STK39: variants seen among roughly 807,000 people sequenced by gnomAD.
The protein encoded by STK39 is serine/threonine kinase 39.
Under a neutral mutation model 77.8 loss-of-function variants are expected in STK39, and 20 were observed. The observed-to-expected ratio is 0.26, with a 90% confidence interval of 0.18 to 0.37. The LOEUF is 0.37. Among genes scored for constraint, STK39 ranks in the 10% least tolerant of loss-of-function variants. The pLI, the probability that STK39 is intolerant of heterozygous loss-of-function variation, is 1.00. For missense variants in STK39, 479 were observed against 656.5 expected (o/e 0.73, Z 2.95); for synonymous variants, 246 against 234.1 (o/e 1.05, Z -0.47).
chr2:168,136,476 A>G (rs568461036), intron 8 of STK39, among the ~76,000 whole-genome samples: 7 of 152,308 alleles, frequency 4.6e-5, no homozygotes, highest in Non-Finnish European at 8.8e-5. Flanking sequence ...GAAATACACT[A>G]TTATATCATT....
intron 1 of STK39, among the ~76,000 whole-genome samples, chr2:168,195,752 C>T (rs142052775): frequency 6.6e-6 from 1 of 152,344 alleles, no homozygotes; most frequent in Non-Finnish European, 1.5e-5. Context: ...CGAGGTGGCT[C>T]ACGCCTGTAA....
chr2:168,021,573 G>C (rs1684572902), intron 14 of STK39, among the ~76,000 whole-genome samples: 1 of 152,134 alleles, frequency 6.6e-6, no homozygotes, highest in Admixed American at 6.6e-5. Context: ...CTGAAAATAG[G>C]TATGATTTAA....
chr2:168,199,068 A>AG (rs1689545482), intron 1 of STK39, among the ~76,000 whole-genome samples: 2 of 152,294 alleles, frequency 1.3e-5, no homozygotes, highest in African/African-American at 4.8e-5. Context: ...TAAAAGTAGC[A>AG]GGGGGCGGGG....
intron 16 of STK39, among the ~76,000 whole-genome samples, chr2:167,986,639 G>A (rs901240126): frequency 2.6e-5 from 4 of 152,126 alleles, no homozygotes; most frequent in Non-Finnish European, 5.9e-5. Context: ...AAAAATGAGT[G>A]AAATCGATGT....
chr2:168,116,637 C>A (rs1335026650), intron 10 of STK39, among the ~76,000 whole-genome samples: 1 of 152,180 alleles, frequency 6.6e-6, no homozygotes, highest in Non-Finnish European at 1.5e-5. Flanking sequence ...ATGTACCACA[C>A]CCCCTGCTGG....
chr2:167,956,936 A>T (rs1458922433), intron 17 of STK39, among the ~76,000 whole-genome samples: 3 of 152,040 alleles, frequency 2.0e-5, no homozygotes, highest in South Asian at 4.1e-4. Flanking sequence ...TTAGTTTCCC[A>T]TGGAAACGTG....
chr2:168,241,974 C>T (rs994847222), intron 1 of STK39, among the ~76,000 whole-genome samples: 12 of 152,176 alleles, frequency 7.9e-5, no homozygotes, highest in Non-Finnish European at 1.8e-4. Context: ...ACTCCAGAGC[C>T]GGCACTGCTG....
At chr2:168,038,858 C>T (rs1685026255) in intron 14 of STK39, among the ~76,000 whole-genome samples, 1 of 152,096 alleles carries the variant, frequency 6.6e-6, no homozygotes, top group Admixed American at 6.5e-5. Context: ...CCACTACACA[C>T]CTATTTAAAT....
At chr2:168,016,430 G>A (rs774896711) in intron 15 of STK39, among the ~76,000 whole-genome samples, 6 of 140,702 alleles carry the variant, frequency 4.3e-5, no homozygotes, top group Non-Finnish European at 6.1e-5. Flanking sequence ...TACTGAACAT[G>A]GGTGAAATAA....
At chr2:168,146,237 C>T (rs1414290089) in intron 5 of STK39, among the ~76,000 whole-genome samples, 3 of 152,176 alleles carry the variant, frequency 2.0e-5, no homozygotes, top group Non-Finnish European at 2.9e-5. Flanking sequence ...TAGGGGCTTG[C>T]TTGCTAATGA....
At chr2:168,024,235 G>A (rs1239629325) in intron 14 of STK39, among the ~76,000 whole-genome samples, 2 of 152,186 alleles carry the variant, frequency 1.3e-5, no homozygotes, top group African/African-American at 4.8e-5. Context: ...GGCCGCCTGG[G>A]GCAGGATGAG....
At chr2:168,174,639 G>A (rs371079499) in intron 2 of STK39, among the ~76,000 whole-genome samples, 3 of 151,852 alleles carry the variant, frequency 2.0e-5, no homozygotes, top group African/African-American at 4.8e-5. Flanking sequence ...ATGAACAATC[G>A]CTTTTTGACC....
At chr2:168,005,814 T>G (rs969678233) in intron 16 of STK39, among the ~76,000 whole-genome samples, 1 of 152,114 alleles carries the variant, frequency 6.6e-6, no homozygotes, top group Non-Finnish European at 1.5e-5. Context: ...GATGGTGACA[T>G]GTATGGTAAG....
chr2:168,199,531 CTT>C (rs368936391), intron 1 of STK39, among the ~76,000 whole-genome samples: 4 of 144,496 alleles, frequency 2.8e-5, no homozygotes, highest in Admixed American at 6.9e-5. Flanking sequence ...TGCATTTTAA[CTT>C]TTTTTTTTTT....
chr2:168,065,328 G>A lies in STK39; in HGVS notation c.1296C>T (p.His432=), dbSNP rs367763914. Residue 432 remains histidine, a synonymous_variant, in exon 13 of 18, where the codon CAC becomes CAT. Coordinates refer to ENST00000355999, the MANE Select transcript of STK39 (RefSeq NM_013233.3). The part of the protein sequence containing the change: ...IPEQIQSLSV[H]DSQGPPNANE... ...TGGCAGAGAAACATACCTGAGAGTC[G>A]TGCACAGAGAGGGACTGTATTTGTT... 52 of 1,613,960 alleles carry A rather than the reference G, an allele frequency of 3.2e-5. No individual in the cohort carries two copies. Among genetic ancestry groups the A allele is most frequent in the Admixed American group, 2.3e-4 (14 of 60,008 alleles).
chr2:167,997,424 T>C (rs1374732226), intron 16 of STK39, among the ~76,000 whole-genome samples: 1 of 152,090 alleles, frequency 6.6e-6, no homozygotes, highest in African/African-American at 2.4e-5. Context: ...CCTTACTGAG[T>C]GCCTCCTGGA....
At position 168,056,954 on chromosome 2, in the gene STK39, C is replaced by T. The variant is rs538806032; in HGVS notation, c.1376+6546G>A. 7.9e-5 allele frequency among the ~76,000 whole-genome samples: 12 copies of T among 152,170 alleles called. No homozygotes were observed. The East Asian group carries it at 2.3e-3, about 29-fold the overall frequency. ...TATGAACAAATTGTGTGGCAGGGAA[C>T]AATACTGGATAGTGGGTTTTTGATA... is the stretch of plus-strand genomic sequence containing the variant. On this transcript the variant is annotated intron_variant, in intron 14 of 17. Coordinates refer to ENST00000355999, the MANE Select transcript of STK39 (RefSeq NM_013233.3).
intron 10 of STK39, among the ~76,000 whole-genome samples, chr2:168,097,105 ACT>A (rs778506858): frequency 2.6e-5 from 4 of 152,306 alleles, no homozygotes; most frequent in Admixed American, 6.5e-5. Flanking sequence ...TTTTACCAAC[ACT>A]CTGAAACAAT....
At chr2:168,199,653 T>A (rs1228731586) in intron 1 of STK39, among the ~76,000 whole-genome samples, 1 of 152,056 alleles carries the variant, frequency 6.6e-6, no homozygotes, top group African/African-American at 2.4e-5. Flanking sequence ...TAGCTGGGAT[T>A]ACAGGTACAC....
Sources: allele counts gnomAD v4.1 joint callset (sites outside exome capture counted in the v4.1 genomes callset), GRCh38; gene constraint gnomAD v4.1.1; transcripts MANE v1.5; gene names NCBI Gene and HGNC (gene_info 2026-07-23, HGNC 2026-07-21).